DLGAP1: variants seen among roughly 807,000 people sequenced by gnomAD.
The protein encoded by DLGAP1 is DLG associated protein 1.
A neutral mutation model predicts 90.8 loss-of-function variants in DLGAP1; 11 were observed. That is an observed-to-expected ratio of 0.12 (90% CI 0.08 to 0.20). The LOEUF is 0.20. Ranked by LOEUF, DLGAP1 falls within the 10% of genes least tolerant of loss-of-function variation. The pLI is 1.00. For missense variants in DLGAP1, 1,050 were observed against 1,333.8 expected (o/e 0.79, Z 3.31); for synonymous variants, 558 against 540.7 (o/e 1.03, Z -0.44).
chr18:4,150,160 G>T (rs1247558643), intron 2 of DLGAP1, among the ~76,000 whole-genome samples: 1 of 152,148 alleles, frequency 6.6e-6, no homozygotes, highest in Non-Finnish European at 1.5e-5. Context: ...CTTTGGATCA[G>T]CTCCCTAATA....
rs943010208 is a variant in DLGAP1, at chr18:4,347,548, G to A, written c.-267+107458C>T. ...AGAAATTCAAGGTTGGTTCCTACTA[G>A]GAAATCTATTATGATCATATGCAAT... On this transcript the variant is annotated intron_variant, in intron 1 of 12. Coordinates refer to ENST00000315677, the MANE Select transcript of DLGAP1 (RefSeq NM_004746.4). Among the ~76,000 whole-genome samples the A allele has an allele frequency of 5.3e-5, 8 of 151,852 alleles. No individual in the cohort carries two copies. The East Asian group carries it at 1.5e-3, about 29-fold the overall frequency.
intron 1 of DLGAP1, among the ~76,000 whole-genome samples, chr18:4,372,788 C>G (rs780517946): frequency 6.6e-6 from 1 of 151,748 alleles, no homozygotes; most frequent in Non-Finnish European, 1.5e-5. Context: ...ATTAGCCAGG[C>G]GTGGTAGTGC....
At chr18:4,281,210 T>C (rs1415536473) in intron 1 of DLGAP1, among the ~76,000 whole-genome samples, 2 of 152,264 alleles carry the variant, frequency 1.3e-5, no homozygotes, top group African/African-American at 4.8e-5. Flanking sequence ...GTTGGAGAAA[T>C]GTTACAGCCT....
Position 4,084,231 on chromosome 18 carries a change from ATAG to A in DLGAP1, c.-159+66946_-159+66948del, listed in dbSNP as rs57861643. On this transcript the variant is annotated intron_variant, in intron 2 of 12. Transcript: ENST00000315677. This position sits in a 1 kb window ranked among gnomAD's most constrained non-coding sequence, Gnocchi z 4.0. The stretch of plus-strand genomic sequence containing the variant: ...TAATGACTTGCAGCACGCAGTGGTT[ATAG>A]TAGCATTCACGATTTGAATTTGAAT... Among the ~76,000 whole-genome samples, 39,876 of 151,934 alleles carry A rather than the reference ATAG, an allele frequency of 0.26. 5,513 individuals carry two copies. The highest frequency in any genetic ancestry group is 0.31 in the Non-Finnish European group (20,981 of 67,902).
intron 3 of DLGAP1, among the ~76,000 whole-genome samples, chr18:3,982,100 A>G (rs769742156): frequency 3.9e-5 from 6 of 152,202 alleles, no homozygotes; most frequent in Non-Finnish European, 1.5e-5. Flanking sequence ...GGCAGATAAA[A>G]TAAAATAAAA....
intron 3 of DLGAP1, among the ~76,000 whole-genome samples, chr18:4,004,601 G>A (rs1226964901): frequency 6.6e-6 from 1 of 152,162 alleles, no homozygotes; most frequent in African/African-American, 2.4e-5. Context: ...AGGAAAAATA[G>A]TGACTCATCA....
chr18:4,436,354 G>C (rs941011003), intron 1 of DLGAP1, among the ~76,000 whole-genome samples: 1 of 152,062 alleles, frequency 6.6e-6, no homozygotes, highest in Non-Finnish European at 1.5e-5. Flanking sequence ...TTAATCACCT[G>C]AAGGCTTGTT....
chr18:4,367,482 TAAAG>T (rs929064193), intron 1 of DLGAP1, among the ~76,000 whole-genome samples: 7 of 152,160 alleles, frequency 4.6e-5, no homozygotes, highest in Non-Finnish European at 1.0e-4. Flanking sequence ...TCTTTCAGTA[TAAAG>T]AATCAAGTTA....
intron 7 of DLGAP1, among the ~76,000 whole-genome samples, chr18:3,621,134 G>A (rs188346260): frequency 4.6e-5 from 7 of 152,246 alleles, no homozygotes; most frequent in African/African-American, 1.2e-4. Context: ...TGAGTTCAGT[G>A]GCTCACACCT....
At chr18:4,304,151 G>A (rs1000224706) in intron 1 of DLGAP1, among the ~76,000 whole-genome samples, 2 of 152,222 alleles carry the variant, frequency 1.3e-5, no homozygotes, top group Non-Finnish European at 2.9e-5. Flanking sequence ...AGAAGGTCAT[G>A]AGAAATTAGT....
chr18:4,287,973 G>A (rs1420941393), intron 1 of DLGAP1, among the ~76,000 whole-genome samples: 1 of 152,140 alleles, frequency 6.6e-6, no homozygotes, highest in African/African-American at 2.4e-5. Context: ...GGGGTACTGA[G>A]AAGAGAGTGA....
At chr18:3,575,990 C>G (rs1251212130) in intron 8 of DLGAP1, among the ~76,000 whole-genome samples, 1 of 152,160 alleles carries the variant, frequency 6.6e-6, no homozygotes, top group African/African-American at 2.4e-5. Context: ...TTGAAGGAAA[C>G]AGCACATTTA....
At chr18:4,257,472 A>C (rs1178528086) in intron 1 of DLGAP1, among the ~76,000 whole-genome samples, 1 of 152,266 alleles carries the variant, frequency 6.6e-6, no homozygotes, top group East Asian at 1.9e-4. Context: ...TAAAATATTT[A>C]GATTGTAACA....
chr18:4,001,534 G>A (rs895917231), intron 3 of DLGAP1, among the ~76,000 whole-genome samples: 3 of 152,070 alleles, frequency 2.0e-5, no homozygotes, highest in Non-Finnish European at 4.4e-5. Context: ...AGTGAACCAG[G>A]ATAGCTTCCT....
rs1022405 is a variant in DLGAP1, at chr18:4,171,917, A to G, written c.-266-20630T>C. 2.3e-3 allele frequency among the ~76,000 whole-genome samples: 347 copies of G among 152,330 alleles called. 4 individuals carry two copies. Among genetic ancestry groups the G allele is most frequent in the African/African-American group, 6.8e-3 (281 of 41,576 alleles). On this transcript the variant is annotated intron_variant, in intron 1 of 12. Transcript: ENST00000315677. ...AAACTGCGTCTTGTCCTGTTTAAAT[A>G]GACTAGTGACTAAGCAACCAGGGCA...
chr18:4,033,437 G>C (rs888243540), intron 2 of DLGAP1, among the ~76,000 whole-genome samples: 3 of 152,142 alleles, frequency 2.0e-5, no homozygotes, highest in African/African-American at 7.2e-5. Context: ...AGACATTTAT[G>C]TGTTACCAAG....
chr18:4,226,187 G>C (rs2078183229), intron 1 of DLGAP1, among the ~76,000 whole-genome samples: 1 of 151,974 alleles, frequency 6.6e-6, no homozygotes, highest in Non-Finnish European at 1.5e-5. Flanking sequence ...CTTAGAATAG[G>C]ATATCCAGCA....
At chr18:3,848,157 A>AAAAAAAC (rs2069125771) in intron 4 of DLGAP1, among the ~76,000 whole-genome samples, 1 of 130,802 alleles carries the variant, frequency 7.6e-6, no homozygotes, top group Non-Finnish European at 1.7e-5. Flanking sequence ...AAAAAAAAAA[A>AAAAAAAC]AGCCAAGGAC....
rs188223484 is a variant in DLGAP1, at chr18:3,523,472, A to C, written c.2479+10722T>G. Among the ~76,000 whole-genome samples the C allele has an allele frequency of 3.6e-3, 545 of 152,272 alleles. 3 individuals are homozygous for C. Among genetic ancestry groups the C allele is most frequent in the Middle Eastern group, 0.01 (3 of 294 alleles). On this transcript the variant is annotated intron_variant, in intron 10 of 12. Transcript: ENST00000315677. ...ACCACATAACCAATAAGGTTTGCAG[A>C]CTATAAATCCAAAATTAATGAAGAA...
Sources: gnomAD v4.1 joint callset for allele counts (sites outside exome capture counted in the v4.1 genomes callset) on GRCh38, gnomAD v4.1.1 for gene constraint, Gnocchi (gnomAD v3.1) non-coding constraint, MANE v1.5 for transcripts, NCBI Gene and HGNC (gene_info 2026-07-23, HGNC 2026-07-21) for gene names.